The following WWOX variants were observed in gnomAD, a reference collection of about 807,000 sequenced individuals.
WWOX encodes the protein WW domain-containing oxidoreductase.
Under a neutral mutation model 46.2 loss-of-function variants are expected in WWOX, and 69 were observed. The ratio of observed to expected loss-of-function variants is 1.49; its 90% confidence interval spans 1.23 to 1.82. WWOX has a LOEUF of 1.82. WWOX is among the 40% of genes most tolerant of loss of function. The pLI is 0.00. For synonymous variants in WWOX, 359 were observed against 202.6 expected, an observed-to-expected ratio of 1.77 and a Z score of -6.56; for missense variants, 919 against 542.6, an observed-to-expected ratio of 1.69 and a Z score of -6.89.
chr16:78,432,841 A>T lies in WWOX; in HGVS notation c.1056+89A>T, dbSNP rs928370784. On this transcript the variant is annotated intron_variant, in intron 8 of 8. Transcript: ENST00000566780. ...CTCCACCTTTTTACCTCTTGCGGGCATGAGTCTGGTCTCAGTAATAACATT... is the reference window on the plus strand; with the variant it reads ...CTCCACCTTTTTACCTCTTGCGGGCTTGAGTCTGGTCTCAGTAATAACATT... 3.1e-6 allele frequency: 5 copies of T among 1,591,672 alleles called. No homozygotes were observed. The African/African-American group carries it at 4.0e-5, about 13-fold the overall frequency.
intron 5 of WWOX, among the ~76,000 whole-genome samples, chr16:78,354,661 A>G (rs939392143): frequency 2.6e-5 from 4 of 151,744 alleles, no homozygotes; most frequent in African/African-American, 9.7e-5. Context: ...AAATAGTTGG[A>G]TTTTGTTTTT....
chr16:78,567,165 C>G (rs1031919515), intron 8 of WWOX, among the ~76,000 whole-genome samples: 1 of 152,174 alleles, frequency 6.6e-6, no homozygotes, highest in African/African-American at 2.4e-5. Flanking sequence ...GCGTGATTGG[C>G]AGAAGCCCAA....
chr16:79,041,177 C>A (rs1174723823), intron 8 of WWOX, among the ~76,000 whole-genome samples: 3 of 152,010 alleles, frequency 2.0e-5, no homozygotes, highest in Admixed American at 2.0e-4. Context: ...ATGGTCTTGC[C>A]CCAACTTAAA....
chr16:78,287,702 T>A (rs2079792492), intron 5 of WWOX, among the ~76,000 whole-genome samples: 1 of 152,230 alleles, frequency 6.6e-6, no homozygotes, highest in South Asian at 2.1e-4. Flanking sequence ...GGCCATCTCC[T>A]CTGATTTTCG....
At chr16:79,069,934 C>T (rs866503944) in intron 8 of WWOX, among the ~76,000 whole-genome samples, 2 of 152,168 alleles carry the variant, frequency 1.3e-5, no homozygotes. Flanking sequence ...GTTACCCAAA[C>T]CTTTGTGTCA....
At chr16:79,092,324 G>A (rs11866696) in intron 8 of WWOX, among the ~76,000 whole-genome samples, 3,748 of 152,216 alleles carry the variant, frequency 0.025, 62 homozygotes, top group African/African-American at 0.043. Flanking sequence ...GGAATCAATC[G>A]TGCTGGGTGG....
intron 6 of WWOX, 30 bp from the exon 7 acceptor site, chr16:78,424,839 TC>T: frequency 6.2e-7 from 1 of 1,613,540 alleles, no homozygotes; most frequent in Non-Finnish European, 8.5e-7. Flanking sequence ...AGTGTTTATG[TC>T]CACATCACAT....
intron 5 of WWOX, among the ~76,000 whole-genome samples, chr16:78,364,568 A>G (rs998872721): frequency 3.9e-5 from 4 of 102,144 alleles, no homozygotes; most frequent in African/African-American, 1.2e-4. Context: ...AAAAATGGGA[A>G]AGAAAAAAAA....
At chr16:78,936,476 C>G (rs904059318) in intron 8 of WWOX, among the ~76,000 whole-genome samples, 1 of 152,076 alleles carries the variant, frequency 6.6e-6, no homozygotes, top group African/African-American at 2.4e-5. Flanking sequence ...TAAATAGGTA[C>G]ATAAGTGCTT....
chr16:78,129,362 AATGG>A (rs967220868), intron 4 of WWOX, among the ~76,000 whole-genome samples: 1 of 152,172 alleles, frequency 6.6e-6, no homozygotes, highest in African/African-American at 2.4e-5. Context: ...TTGCTACTAT[AATGG>A]ACCACCACAA....
intron 8 of WWOX, among the ~76,000 whole-genome samples, chr16:78,445,932 G>C (rs995798889): frequency 6.6e-6 from 1 of 152,116 alleles, no homozygotes; most frequent in African/African-American, 2.4e-5. Context: ...CTTTACTTAC[G>C]TTTTTGATGA....
chr16:78,915,383 T>C (rs1481295768), intron 8 of WWOX, among the ~76,000 whole-genome samples: 23 of 152,166 alleles, frequency 1.5e-4, no homozygotes, highest in Admixed American at 1.5e-3. Context: ...GGGAGATTTT[T>C]CCATCTAAAT....
intron 8 of WWOX, among the ~76,000 whole-genome samples, chr16:79,183,861 A>T (rs13330144): frequency 0.03 from 4,567 of 152,140 alleles, 207 homozygotes; most frequent in African/African-American, 0.1. Context: ...TCACACTAAC[A>T]CTGTCACTCA....
At chr16:79,099,001 C>G (rs766439685) in intron 8 of WWOX, among the ~76,000 whole-genome samples, 2 of 152,114 alleles carry the variant, frequency 1.3e-5, no homozygotes, top group African/African-American at 2.4e-5. Context: ...GATTAAGCAT[C>G]TGGGGAGGGC....
chr16:78,530,151 G>A (rs919269430), intron 8 of WWOX, among the ~76,000 whole-genome samples: 3 of 152,168 alleles, frequency 2.0e-5, no homozygotes, highest in Admixed American at 6.5e-5. Flanking sequence ...CTCTGTACTG[G>A]CCCTGGGATA....
At chr16:78,811,601 C>G (rs926050963) in intron 8 of WWOX, among the ~76,000 whole-genome samples, 1 of 152,012 alleles carries the variant, frequency 6.6e-6, no homozygotes, top group African/African-American at 2.4e-5. Flanking sequence ...AAGCTCCTGA[C>G]CTCAGGTGAT....
At chr16:78,289,055 C>T (rs551136526) in intron 5 of WWOX, among the ~76,000 whole-genome samples, 4 of 152,228 alleles carry the variant, frequency 2.6e-5, no homozygotes, top group South Asian at 2.1e-4. Flanking sequence ...GCTGGTAGAG[C>T]GAGAGTCAGG....
chr16:78,681,729 G>C (rs1879400750), intron 8 of WWOX, among the ~76,000 whole-genome samples: 1 of 152,188 alleles, frequency 6.6e-6, no homozygotes, highest in Admixed American at 6.5e-5. Flanking sequence ...AAGTGAATGG[G>C]ACAGTTTCCA....
intron 8 of WWOX, among the ~76,000 whole-genome samples, chr16:79,132,972 T>C (rs1310189447): frequency 3.3e-5 from 5 of 152,200 alleles, no homozygotes; most frequent in Admixed American, 6.5e-5. Context: ...CTGGGTCTGT[T>C]CTGTCACTTG....
Sources: gnomAD v4.1 joint callset for allele counts (sites outside exome capture counted in the v4.1 genomes callset) on GRCh38, gnomAD v4.1.1 for gene constraint, MANE v1.5 for transcripts, NCBI Gene and HGNC (gene_info 2026-07-23, HGNC 2026-07-21) for gene names.